The following FOXP2 variants were observed in gnomAD, a reference collection of about 807,000 sequenced individuals.
FOXP2 encodes the protein forkhead box protein P2.
FOXP2 carries 12 observed loss-of-function variants against 115.8 expected under a neutral mutation model. The observed-to-expected ratio is 0.10, with a 90% CI of 0.07 to 0.17. The LOEUF (loss-of-function observed/expected upper bound fraction) is 0.17, where lower values mean the gene tolerates loss of function less well. Ranked by LOEUF, FOXP2 falls within the 10% of genes least tolerant of loss-of-function variation. The pLI, the probability that FOXP2 is intolerant of heterozygous loss-of-function variation, is 1.00. For synonymous variants in FOXP2, 328 were observed against 297.7 expected, an observed-to-expected ratio of 1.10 and a Z score of -1.05; for missense variants, 629 against 843.5, an observed-to-expected ratio of 0.75 and a Z score of 3.15.
intron 1 of FOXP2, among the ~76,000 whole-genome samples, chr7:114,219,135 T>C (rs1794556913): frequency 6.6e-6 from 1 of 152,166 alleles, no homozygotes; most frequent in Non-Finnish European, 1.5e-5. Context: ...AGATTAATTA[T>C]ACTAACTTTC....
chr7:114,168,010 A>G (rs1793029348), intron 1 of FOXP2, among the ~76,000 whole-genome samples: 1 of 151,432 alleles, frequency 6.6e-6, no homozygotes, highest in Non-Finnish European at 1.5e-5. Flanking sequence ...CATGTAAGAC[A>G]TGACTTGCTC....
chr7:114,394,894 T>C (rs1310656095), intron 2 of FOXP2, among the ~76,000 whole-genome samples: 1 of 152,140 alleles, frequency 6.6e-6, no homozygotes, highest in African/African-American at 2.4e-5. Flanking sequence ...AGAGAGGACA[T>C]TATTAGGACA....
At chr7:114,274,581 A>G (rs1434145572) in intron 1 of FOXP2, among the ~76,000 whole-genome samples, 2 of 62,970 alleles carry the variant, frequency 3.2e-5, no homozygotes, top group East Asian at 5.4e-4. Context: ...GGAATTCTGG[A>G]TTGGTTTTTT....
intron 1 of FOXP2, among the ~76,000 whole-genome samples, chr7:114,220,835 A>G (rs1448257129): frequency 6.6e-6 from 1 of 152,160 alleles, no homozygotes; most frequent in Non-Finnish European, 1.5e-5. Context: ...TTGAAGTATT[A>G]TTTGAAGAAG....
intron 2 of FOXP2, among the ~76,000 whole-genome samples, chr7:114,384,240 G>GGTGA (rs1335494452): frequency 6.6e-6 from 1 of 152,210 alleles, no homozygotes; most frequent in Admixed American, 6.5e-5. Flanking sequence ...TGTGCTCAGG[G>GGTGA]GTGAGTCCTA....
chr7:114,525,693 A>G (rs905522180), intron 2 of FOXP2, among the ~76,000 whole-genome samples: 2 of 152,134 alleles, frequency 1.3e-5, no homozygotes, highest in Non-Finnish European at 1.5e-5. Flanking sequence ...TCTGCATGTC[A>G]AAGTCACCTG....
At chr7:114,609,175 T>C (rs904565812) in intron 3 of FOXP2, among the ~76,000 whole-genome samples, 1 of 150,526 alleles carries the variant, frequency 6.6e-6, no homozygotes, top group Admixed American at 6.6e-5. Flanking sequence ...ATTGCGCCAC[T>C]GCACTCCAGC....
At chr7:114,397,316 T>C (rs2129195704) in intron 2 of FOXP2, among the ~76,000 whole-genome samples, 1 of 152,302 alleles carries the variant, frequency 6.6e-6, no homozygotes, top group South Asian at 2.1e-4. Flanking sequence ...ATCACTATAC[T>C]AGGAATGCAG....
At chr7:114,091,983 A>T (rs1264957209) in intron 1 of FOXP2, among the ~76,000 whole-genome samples, 1 of 151,936 alleles carries the variant, frequency 6.6e-6, no homozygotes, top group African/African-American at 2.4e-5. Context: ...ATACCTTCCC[A>T]TTATATTGAT....
chr7:114,631,748 C>T (rs1804936168), intron 6 of FOXP2, 43 bp downstream of exon 6: 4 of 1,599,116 alleles, frequency 2.5e-6, no homozygotes, highest in Non-Finnish European at 3.4e-6. Context: ...AAATCTTGTA[C>T]TTTCTACCAT....
chr7:114,443,338 A>G (rs1186094502), intron 2 of FOXP2, among the ~76,000 whole-genome samples: 2 of 152,218 alleles, frequency 1.3e-5, no homozygotes, highest in Admixed American at 6.5e-5. Context: ...GATTTATTCT[A>G]TTAGTCCTGA....
At chr7:114,582,220 A>G (rs574886243) in intron 3 of FOXP2, among the ~76,000 whole-genome samples, 1 of 152,088 alleles carries the variant, frequency 6.6e-6, no homozygotes, top group Non-Finnish European at 1.5e-5. Context: ...AAGAATAGAA[A>G]CCCACTTTCA....
intron 2 of FOXP2, among the ~76,000 whole-genome samples, chr7:114,461,814 G>C (rs1166133146): frequency 6.6e-6 from 1 of 151,558 alleles, no homozygotes; most frequent in African/African-American, 2.4e-5. Context: ...CCCTCAACCT[G>C]CTTCTTAGAC....
intron 2 of FOXP2, 136 bp downstream of exon 2, chr7:114,426,815 G>C (rs527597043): frequency 1.0e-6 from 1 of 953,132 alleles, no homozygotes; most frequent in Admixed American, 2.0e-5. Flanking sequence ...TTTGGAACAT[G>C]ATTGAAGGAT....
intron 2 of FOXP2, among the ~76,000 whole-genome samples, chr7:114,398,605 G>C (rs1161188089): frequency 6.6e-6 from 1 of 152,162 alleles, no homozygotes; most frequent in African/African-American, 2.4e-5. Context: ...AATGCCATAC[G>C]ATTGCTTTAT....
At chr7:114,592,563 A>G (rs1205349162) in intron 3 of FOXP2, among the ~76,000 whole-genome samples, 1 of 151,942 alleles carries the variant, frequency 6.6e-6, no homozygotes, top group Non-Finnish European at 1.5e-5. Flanking sequence ...TTTAATCCAA[A>G]TCTGTAAATA....
intron 2 of FOXP2, among the ~76,000 whole-genome samples, chr7:114,461,967 G>A (rs963009089): frequency 1.3e-5 from 2 of 152,108 alleles, no homozygotes; most frequent in African/African-American, 4.8e-5. Flanking sequence ...TTCTATTTGT[G>A]CATGTCAGAA....
At chr7:114,094,546 C>CACAGACTGAAAATAATTCTG (rs1412172655) in intron 1 of FOXP2, among the ~76,000 whole-genome samples, 3 of 152,158 alleles carry the variant, frequency 2.0e-5, no homozygotes, top group African/African-American at 7.2e-5. Context: ...TTTTCCCCTC[C>CACAGACTGAAAATAATTCTG]ACAGACTGAA....
At position 114,169,824 on chromosome 7, in the gene FOXP2, A is replaced by G. The variant is rs1485254151; in HGVS notation, c.-102+6736A>G. Reference sequence around the variant, plus strand: ...TTGAATCATGGGACAGGTCTTTCCTATGTTGTTCTCATGATAGTGAATAAG... The same window carrying G: ...TTGAATCATGGGACAGGTCTTTCCTGTGTTGTTCTCATGATAGTGAATAAG... On this transcript the variant is annotated intron_variant, in intron 1 of 17. Coordinates refer to the FOXP2 transcript ENST00000634411. Among the ~76,000 whole-genome samples, 9 of 152,198 alleles carry G rather than the reference A, an allele frequency of 5.9e-5. No individual in the cohort carries two copies. The East Asian group carries it at 1.7e-3, about 29-fold the overall frequency.
Sources: gnomAD v4.1 joint callset for allele counts (sites outside exome capture counted in the v4.1 genomes callset) on GRCh38, gnomAD v4.1.1 for gene constraint, MANE v1.5 for transcripts, NCBI Gene and HGNC (gene_info 2026-07-23, HGNC 2026-07-21) for gene names.